Variants in NR2F6 observed in about 807,000 individuals in gnomAD.
The protein encoded by NR2F6 is ERBA-related gene-2.
NR2F6 carries 16 observed loss-of-function variants against 26.5 expected under a neutral mutation model. The observed-to-expected ratio is 0.60, with a 90% CI of 0.41 to 0.92. The LOEUF (loss-of-function observed/expected upper bound fraction) is 0.92, where lower values mean the gene tolerates loss of function less well. NR2F6 is among the 40% of genes least tolerant of loss of function. The pLI is 0.00. For missense variants in NR2F6, 536 were observed against 631.7 expected (o/e 0.85, Z 1.62); for synonymous variants, 325 against 305.0 (o/e 1.07, Z -0.68).
At chr19:17,233,678 GT>G (rs2073420319) in intron 3 of NR2F6, among the ~76,000 whole-genome samples, 1 of 151,996 alleles carries the variant, frequency 6.6e-6, no homozygotes, top group Non-Finnish European at 1.5e-5. Flanking sequence ...TGTATTTTTA[GT>G]AGAGACGGGT....
chr19:17,244,074 G>T (rs894409132), intron 1 of NR2F6, among the ~76,000 whole-genome samples: 2 of 152,204 alleles, frequency 1.3e-5, no homozygotes, highest in South Asian at 2.1e-4. Flanking sequence ...TTTCCCTGGG[G>T]ACCTTCCGCC....
chr19:17,240,817 C>T (rs753924076), intron 1 of NR2F6, 52 bp from the exon 2 acceptor site: 16 of 1,577,472 alleles, frequency 1.0e-5, no homozygotes, highest in East Asian at 2.2e-5. Context: ...TCCTCCTCCC[C>T]GAACCAGCCT....
Position 17,235,990 on chromosome 19 carries a change from G to A in NR2F6, c.449C>T (p.Ala150Val), listed in dbSNP as rs2073435056. 2.1e-6 allele frequency: 3 copies of A among 1,447,108 alleles called. No individual in the cohort carries two copies. The highest frequency in any genetic ancestry group is 3.0e-5 in the African/African-American group (2 of 67,074). 89.6% of individuals were successfully genotyped at this position (1,447,108 alleles called of 1,614,324 possible). The change falls in exon 3 of 4, where the codon GCG (alanine) becomes GTG (valine). Residue 150 changes from alanine (A) to valine (V), a missense_variant. Ala to Val is a moderately conservative substitution (Grantham distance 64). Coordinates refer to ENST00000291442, the MANE Select transcript of NR2F6 (RefSeq NM_005234.4). This position sits in a 1 kb window ranked among gnomAD's most constrained non-coding sequence, Gnocchi z 5.0. ...TCCGCCGCTCGCCACTGCCGCCAGC[G>A]CCGAGCCCGGGGGGCTGCCCGAGGA... ...AASSGSPPGS[A>V]LAAVASGGDL...
rs530790357 is a variant in NR2F6, at chr19:17,234,851, C to T, written c.940+648G>A. ...TCCAGCCTGGGTGACAGGGTGAGACCCAGTCTCAAAAAATGGAAATACAAA... is the reference window on the plus strand; with the variant it reads ...TCCAGCCTGGGTGACAGGGTGAGACTCAGTCTCAAAAAATGGAAATACAAA... On this transcript the variant is annotated intron_variant, in intron 3 of 3. Coordinates refer to ENST00000291442, the MANE Select transcript of NR2F6 (RefSeq NM_005234.4). 1.1e-3 allele frequency among the ~76,000 whole-genome samples: 165 copies of T among 152,034 alleles called. 1 individual carries two copies. Among genetic ancestry groups the T allele is most frequent in the Non-Finnish European group, 1.9e-3 (128 of 67,982 alleles).
At chr19:17,242,505 G>A (rs376599440) in intron 1 of NR2F6, among the ~76,000 whole-genome samples, 16 of 152,278 alleles carry the variant, frequency 1.1e-4, no homozygotes, top group South Asian at 6.2e-4. Flanking sequence ...AAGACCCAGA[G>A]CCCAGCCGGA....
chr19:17,235,719 G>A lies in NR2F6; in HGVS notation c.720C>T (p.Ser240=), dbSNP rs544238558. 1.1e-4 allele frequency: 159 copies of A among 1,500,278 alleles called. No homozygotes were observed. In the African/African-American group the frequency reaches 2.0e-3, roughly 19 times the overall value. The allele number at this position is 1,500,278 out of a possible 1,614,324, so 92.9% of individuals were successfully genotyped here. A position where few individuals can be genotyped will look rare whatever the true frequency, so the allele number is the denominator to read the frequency against. ...GCGCCGCGTTCAGCACGAAGAGCTCGCTCCAGCTCAGGCGCAGCAGCGCCA... is the reference window on the plus strand; with the variant it reads ...GCGCCGCGTTCAGCACGAAGAGCTCACTCCAGCTCAGGCGCAGCAGCGCCA... ...DQVALLRLSW[S]ELFVLNAAQA... Residue 240 remains serine (S), a synonymous_variant, in exon 3 of 4, where the codon AGC becomes AGT. Transcript: ENST00000291442. The surrounding 1 kb of genome is among the most constrained non-coding windows in gnomAD (Gnocchi z 5.0).
Position 17,232,324 on chromosome 19 carries a change from GGCCACA to G in NR2F6, c.*22_*27del. On this transcript the variant is annotated 3_prime_UTR_variant, in exon 4 of 4. Coordinates refer to ENST00000291442, the MANE Select transcript of NR2F6 (RefSeq NM_005234.4). ...TCCCTTGAGGTCTGTCTGCAGGCCT[GGCCACA>G]GCACACGTGGCCCCGTCATGGTCAC... 6.2e-7 allele frequency: 1 copy of G among 1,613,546 alleles called. No individual in the cohort carries two copies. The highest frequency in any genetic ancestry group is 1.1e-5 in the South Asian group (1 of 91,032).
At chr19:17,233,950 C>T (rs776191135) in intron 3 of NR2F6, among the ~76,000 whole-genome samples, 3 of 151,852 alleles carry the variant, frequency 2.0e-5, no homozygotes, top group East Asian at 3.9e-4. Context: ...GAAGGCCAGG[C>T]GCGGTGGCTC....
At chr19:17,240,881 C>T in intron 1 of NR2F6, 116 bp from the exon 2 acceptor site, 3 of 977,638 alleles carry the variant, frequency 3.1e-6, no homozygotes, top group Non-Finnish European at 4.6e-6. Flanking sequence ...GCCCTCTAGA[C>T]TGGAGAGGTA....
chr19:17,235,689 C>T lies in NR2F6; in HGVS notation c.750G>A (p.Ala250=). 1 of 1,490,094 alleles carries T rather than the reference C, an allele frequency of 6.7e-7. No individual in the cohort carries two copies. The highest frequency in any genetic ancestry group is 8.8e-7 in the Non-Finnish European group (1 of 1,130,466). 92.3% of individuals were successfully genotyped at this position (1,490,094 alleles called of 1,614,324 possible). Residue 250 remains alanine (A), a synonymous_variant, in exon 3 of 4, where the codon GCG becomes GCA. Transcript: ENST00000291442. This position sits in a 1 kb window ranked among gnomAD's most constrained non-coding sequence, Gnocchi z 5.0. ...GCGGCGCCGTGTGCAGGGGCAGCGC[C>T]GCCTGCGCCGCGTTCAGCACGAAGA... ...SELFVLNAAQ[A]ALPLHTAPLL...
chr19:17,239,749 G>A (rs1199641543), intron 2 of NR2F6, among the ~76,000 whole-genome samples: 1 of 152,184 alleles, frequency 6.6e-6, no homozygotes, highest in East Asian at 1.9e-4. Context: ...AACCCGGGAG[G>A]CGGAGGCTGC....
At chr19:17,233,350 A>AAAACAAAACAAAAC (rs1568315895) in intron 3 of NR2F6, among the ~76,000 whole-genome samples, 1 of 135,768 alleles carries the variant, frequency 7.4e-6, no homozygotes, top group African/African-American at 2.8e-5. Context: ...CAAAACAAAA[A>AAAACAAAACAAAAC]ACGACCCTGG....
At chr19:17,236,799 A>T (rs8104894) in intron 2 of NR2F6, among the ~76,000 whole-genome samples, 7 of 72,834 alleles carry the variant, frequency 9.6e-5, no homozygotes, top group Non-Finnish European at 1.6e-4. Flanking sequence ...GAGGGGTCCC[A>T]GGGGGGCTGC....
intron 2 of NR2F6, among the ~76,000 whole-genome samples, chr19:17,236,945 G>A (rs943014776): frequency 3.9e-5 from 6 of 152,278 alleles, no homozygotes; most frequent in Non-Finnish European, 1.5e-5. Context: ...GAGGAAGAGA[G>A]TTGGCCATGT....
At chr19:17,239,527 G>A (rs2073457970) in intron 2 of NR2F6, among the ~76,000 whole-genome samples, 1 of 151,942 alleles carries the variant, frequency 6.6e-6, no homozygotes, top group Non-Finnish European at 1.5e-5. Context: ...GATGGCAGGC[G>A]CCTGTAGTCC....
At chr19:17,237,712 C>A (rs535859997) in intron 2 of NR2F6, among the ~76,000 whole-genome samples, 1 of 152,270 alleles carries the variant, frequency 6.6e-6, no homozygotes, top group Non-Finnish European at 1.5e-5. Flanking sequence ...GCCTGGCCGG[C>A]CTTTGCACTT....
At position 17,240,705 on chromosome 19, in the gene NR2F6, G is replaced by C. The variant is rs373389051; in HGVS notation, c.339C>G (p.Leu113=). ...TCATGCCCACCCGGAAGCACTTCTT[G>C]AGACGGCAGTACTGGCACTGGTTCC... ...HHRNQCQYCR[L]KKCFRVGMRK... is the part of the protein sequence containing the mutation. Residue 113 remains leucine (L), a synonymous_variant, in exon 2 of 4, where the codon CTC becomes CTG. Coordinates refer to ENST00000291442, the MANE Select transcript of NR2F6 (RefSeq NM_005234.4). 6.2e-7 allele frequency: 1 copy of C among 1,614,212 alleles called. No individual in the cohort carries two copies. The highest frequency in any genetic ancestry group is 8.5e-7 in the Non-Finnish European group (1 of 1,180,026).
At position 17,231,925 on chromosome 19, in the gene NR2F6, A is replaced by C; in HGVS notation, c.*427T>G. The C allele has an allele frequency of 5.3e-6, 1 of 187,514 alleles. No homozygotes were observed. Among genetic ancestry groups the C allele is most frequent in the Non-Finnish European group, 1.1e-5 (1 of 88,794 alleles). The allele number at this position is 187,514 out of a possible 1,614,324, so 11.6% of individuals were successfully genotyped here. A position where few individuals can be genotyped will look rare whatever the true frequency, so the allele number is the denominator to read the frequency against. On this transcript the variant is annotated 3_prime_UTR_variant, in exon 4 of 4. Coordinates refer to ENST00000291442, the MANE Select transcript of NR2F6 (RefSeq NM_005234.4). ...TCTTTATTATTGGCCTTGAGTCATC[A>C]TGTAGTGTCTGACATAGGTTACGTG... is the stretch of plus-strand genomic sequence containing the variant.
In NR2F6 at chr19:17,232,589, G is replaced by C; in HGVS notation, c.978C>G (p.Ser326Arg). ...CGLSDPAHVE[S>R]LQEKAQVALT... ...GGGCCACCTGCGCCTTCTCCTGCAG[G>C]CTCTCAACGTGGGCCGGGTCTGAGA... The change falls in exon 4 of 4, where the codon AGC (serine) becomes AGG (arginine). Residue 326 changes from serine to arginine, a missense_variant. By Grantham distance (110) the Ser-to-Arg change is moderately radical (BLOSUM62 -1). Coordinates refer to ENST00000291442, the MANE Select transcript of NR2F6 (RefSeq NM_005234.4). The C allele has an allele frequency of 1.3e-6, 2 of 1,567,224 alleles. No homozygotes were observed. Among genetic ancestry groups the C allele is most frequent in the Non-Finnish European group, 1.7e-6 (2 of 1,156,110 alleles).
Sources: gnomAD v4.1 joint callset for allele counts (sites outside exome capture counted in the v4.1 genomes callset) on GRCh38, gnomAD v4.1.1 for gene constraint, Gnocchi (gnomAD v3.1) non-coding constraint, MANE v1.5 for transcripts, NCBI Gene and HGNC (gene_info 2026-07-23, HGNC 2026-07-21) for gene names.